The following GPHN variants were observed in gnomAD, a reference collection of about 807,000 sequenced individuals.
GPHN encodes the protein gephyrin.
Under a neutral mutation model 95.5 loss-of-function variants are expected in GPHN, and 17 were observed. The observed-to-expected ratio is 0.18, with a 90% CI of 0.12 to 0.27. GPHN has a LOEUF of 0.27. GPHN is among the 10% of genes least tolerant of loss of function. GPHN has a pLI of 1.00. For missense variants in GPHN, 660 were observed against 978.1 expected (o/e 0.67, Z 4.34); for synonymous variants, 320 against 322.5 (o/e 0.99, Z 0.08).
chr14:66,527,259 A>AAAC (rs2058727705), intron 1 of GPHN, among the ~76,000 whole-genome samples: 1 of 152,078 alleles, frequency 6.6e-6, no homozygotes, highest in Non-Finnish European at 1.5e-5. Flanking sequence ...TTATTTGCAT[A>AAAC]GAGGCGTTTA....
intron 2 of GPHN, among the ~76,000 whole-genome samples, chr14:66,751,711 G>A (rs1211717651): frequency 6.6e-6 from 1 of 151,920 alleles, no homozygotes; most frequent in Non-Finnish European, 1.5e-5. Context: ...CTGCAGGATA[G>A]ATTTAGCATA....
At chr14:67,337,150 G>A in the GPHN span, among the ~76,000 whole-genome samples, 6 of 152,168 alleles carry the variant, frequency 3.9e-5, no homozygotes, top group Non-Finnish European at 8.8e-5. Context: ...CCAGTGCCTG[G>A]CACATAACTA....
the GPHN span, among the ~76,000 whole-genome samples, chr14:67,427,600 C>T: frequency 6.6e-6 from 1 of 152,218 alleles, no homozygotes; most frequent in Non-Finnish European, 1.5e-5. Flanking sequence ...TAAGACTTAC[C>T]GTCGCCATTC....
intron 2 of GPHN, among the ~76,000 whole-genome samples, chr14:66,690,056 C>T (rs1454027756): frequency 1.3e-5 from 2 of 151,554 alleles, no homozygotes; most frequent in African/African-American, 2.4e-5. Context: ...CTTATTTCAG[C>T]TTGGATATTT....
At chr14:67,206,374 T>C in the GPHN span, among the ~76,000 whole-genome samples, 4 of 152,098 alleles carry the variant, frequency 2.6e-5, no homozygotes, top group Non-Finnish European at 4.4e-5. Flanking sequence ...TGGGTGCCTG[T>C]AATCCCAGCT....
At chr14:66,536,306 G>C (rs866620501) in intron 1 of GPHN, among the ~76,000 whole-genome samples, 2 of 152,074 alleles carry the variant, frequency 1.3e-5, no homozygotes, top group Non-Finnish European at 2.9e-5. Context: ...TTTTGCTTTT[G>C]TTGAGATAAA....
chr14:67,717,034 A>G, the GPHN span, among the ~76,000 whole-genome samples: 1 of 152,202 alleles, frequency 6.6e-6, no homozygotes, highest in Non-Finnish European at 1.5e-5. Flanking sequence ...ACTTTATTTT[A>G]TTAACATACT....
At chr14:66,989,139 T>C (rs1410121997) in intron 9 of GPHN, among the ~76,000 whole-genome samples, 1 of 152,018 alleles carries the variant, frequency 6.6e-6, no homozygotes, top group Non-Finnish European at 1.5e-5. Context: ...GTGTCTCATA[T>C]CTCTACTTCT....
chr14:67,590,428 G>A, the GPHN span, among the ~76,000 whole-genome samples: 4 of 151,958 alleles, frequency 2.6e-5, no homozygotes, highest in East Asian at 1.9e-4. Context: ...GCACAATCTC[G>A]GCTCACTGAA....
the GPHN span, among the ~76,000 whole-genome samples, chr14:67,393,442 TTTG>T: frequency 2.3e-4 from 35 of 152,122 alleles, 1 homozygote; most frequent in Admixed American, 1.2e-3. Context: ...ATGATTGATT[TTTG>T]TTGTTGTTGT....
At chr14:66,858,391 GACA>G (rs2062885484) in intron 4 of GPHN, among the ~76,000 whole-genome samples, 1 of 151,838 alleles carries the variant, frequency 6.6e-6, no homozygotes, top group African/African-American at 2.4e-5. Flanking sequence ...TTAGCTCCCG[GACA>G]ACATTTCTAA....
the GPHN span, among the ~76,000 whole-genome samples, chr14:67,681,514 G>A: frequency 6.6e-6 from 1 of 152,212 alleles, no homozygotes. Flanking sequence ...CGGGTGTGGT[G>A]GCTCATGCCT....
chr14:67,729,128 A>C, the GPHN span: 1 of 1,524,482 alleles, frequency 6.6e-7, no homozygotes, highest in South Asian at 1.1e-5. Context: ...TTGCTGCAGG[A>C]GATAAGCTGT....
At chr14:67,259,913 G>A in the GPHN span, among the ~76,000 whole-genome samples, 2 of 149,304 alleles carry the variant, frequency 1.3e-5, no homozygotes, top group East Asian at 2.0e-4. Context: ...TATGTATTTC[G>A]TAAATGTATT....
the GPHN span, among the ~76,000 whole-genome samples, chr14:67,556,987 C>T: frequency 3.3e-5 from 5 of 152,232 alleles, no homozygotes; most frequent in African/African-American, 1.2e-4. Context: ...TGGCACAAGA[C>T]CCAGCTGCTT....
At chr14:67,554,568 T>C in the GPHN span, among the ~76,000 whole-genome samples, 250 of 152,324 alleles carry the variant, frequency 1.6e-3, 2 homozygotes, top group African/African-American at 5.7e-3. Flanking sequence ...GTGTTAGACA[T>C]GAGAGCGGGA....
intron 1 of GPHN, among the ~76,000 whole-genome samples, chr14:66,651,288 G>A (rs1239979838): frequency 6.6e-6 from 1 of 152,142 alleles, no homozygotes; most frequent in East Asian, 1.9e-4. Context: ...CTTCAGGGGA[G>A]AACAACAAGT....
intron 9 of GPHN, among the ~76,000 whole-genome samples, chr14:67,010,930 A>G (rs1955606): frequency 0.33 from 49,575 of 152,054 alleles, 12,890 homozygotes; most frequent in African/African-American, 0.7. Flanking sequence ...GAAAACATTG[A>G]CATTGTTTGT....
intron 2 of GPHN, among the ~76,000 whole-genome samples, chr14:66,743,999 C>T (rs772163002): frequency 2.0e-5 from 3 of 152,068 alleles, no homozygotes; most frequent in Non-Finnish European, 2.9e-5. Context: ...TACACTACTA[C>T]TTCTCATCCT....
Sources: gnomAD v4.1 joint callset for allele counts (sites outside exome capture counted in the v4.1 genomes callset) on GRCh38, gnomAD v4.1.1 for gene constraint, MANE v1.5 for transcripts, NCBI Gene and HGNC (gene_info 2026-07-23, HGNC 2026-07-21) for gene names.